Variants in CSMD3 observed in about 807,000 individuals in gnomAD.
CSMD3 encodes the protein CUB and Sushi multiple domains 3.
CSMD3 carries 177 observed loss-of-function variants against 435.2 expected under a neutral mutation model. The observed-to-expected ratio is 0.41, with a 90% CI of 0.36 to 0.46. The LOEUF (loss-of-function observed/expected upper bound fraction) is 0.46, where lower values mean the gene tolerates loss of function less well. Ranked by LOEUF, CSMD3 falls within the 20% of genes least tolerant of loss-of-function variation. CSMD3 has a pLI of 0.34. For missense variants in CSMD3, 4,265 were observed against 4,504.6 expected (o/e 0.95, Z 1.52); for synonymous variants, 1,656 against 1,520.5 (o/e 1.09, Z -2.07).
At chr8:112,918,970 G>C (rs956085037) in intron 10 of CSMD3, among the ~76,000 whole-genome samples, 3 of 151,932 alleles carry the variant, frequency 2.0e-5, no homozygotes, top group Non-Finnish European at 4.4e-5. Context: ...CAGACTCACA[G>C]TAGTCATTTT....
chr8:112,242,156 A>C (rs969100794), intron 65 of CSMD3, among the ~76,000 whole-genome samples: 3 of 152,142 alleles, frequency 2.0e-5, no homozygotes, highest in Non-Finnish European at 4.4e-5. Flanking sequence ...CAGAAAGCAA[A>C]AACTATTTGG....
chr8:113,197,027 A>G lies in CSMD3; in HGVS notation c.515-23111T>C, dbSNP rs148972761. ...CTATGTCTACTTTGTCCATTTTTGTATTTTAGCCCAGAGTACAGGACATAA... is the reference window on the plus strand; with the variant it reads ...CTATGTCTACTTTGTCCATTTTTGTGTTTTAGCCCAGAGTACAGGACATAA... On this transcript the variant is annotated intron_variant, in intron 3 of 70. Coordinates refer to ENST00000297405, the MANE Select transcript of CSMD3 (RefSeq NM_198123.2). 7.7e-3 allele frequency among the ~76,000 whole-genome samples: 1,170 copies of G among 151,312 alleles called. 14 individuals are homozygous for G. Among genetic ancestry groups the G allele is most frequent in the African/African-American group, 0.027 (1,114 of 41,420 alleles).
At chr8:113,007,847 C>T (rs938025865) in intron 6 of CSMD3, among the ~76,000 whole-genome samples, 1 of 151,774 alleles carries the variant, frequency 6.6e-6, no homozygotes, top group African/African-American at 2.4e-5. Context: ...CATTTTCTAA[C>T]TCAAAGAATT....
chr8:113,119,884 A>G (rs1241685914), intron 4 of CSMD3, among the ~76,000 whole-genome samples: 1 of 152,124 alleles, frequency 6.6e-6, no homozygotes, highest in African/African-American at 2.4e-5. Context: ...CAATCATTAT[A>G]ACATTTCTAT....
At chr8:112,867,092 G>C (rs1712931257) in intron 10 of CSMD3, among the ~76,000 whole-genome samples, 1 of 152,092 alleles carries the variant, frequency 6.6e-6, no homozygotes, top group South Asian at 2.1e-4. Context: ...GGTACCTAAA[G>C]ATGGACAACT....
chr8:112,372,709 G>T (rs1828523778), intron 38 of CSMD3, among the ~76,000 whole-genome samples: 1 of 151,676 alleles, frequency 6.6e-6, no homozygotes, highest in Non-Finnish European at 1.5e-5. Context: ...AATTAGCTGG[G>T]CATGGCAGTG....
At chr8:113,290,258 G>C (rs950032727) in intron 2 of CSMD3, among the ~76,000 whole-genome samples, 5 of 151,472 alleles carry the variant, frequency 3.3e-5, no homozygotes, top group African/African-American at 1.2e-4. Context: ...ACTGCAATTG[G>C]AGATTTTGAA....
At chr8:112,341,815 T>C in intron 41 of CSMD3, 129 bp from the exon 42 acceptor site, 2 of 723,198 alleles carry the variant, frequency 2.8e-6, no homozygotes, top group Non-Finnish European at 4.9e-6. Context: ...AATCTCAAGA[T>C]CTGAGTCATG....
intron 13 of CSMD3, among the ~76,000 whole-genome samples, chr8:112,691,918 A>G (rs1018233153): frequency 6.6e-6 from 1 of 151,954 alleles, no homozygotes; most frequent in African/African-American, 2.4e-5. Context: ...CTCCTGCCTC[A>G]GCCTCCTGGG....
At chr8:113,322,294 T>C (rs1306602255) in intron 1 of CSMD3, among the ~76,000 whole-genome samples, 2 of 152,200 alleles carry the variant, frequency 1.3e-5, no homozygotes, top group Non-Finnish European at 2.9e-5. Flanking sequence ...CTTCTCATGT[T>C]GTACTGGTTT....
At chr8:112,717,270 T>C (rs7833450) in intron 13 of CSMD3, among the ~76,000 whole-genome samples, 83,802 of 151,510 alleles carry the variant, frequency 0.55, 24,229 homozygotes, top group African/African-American at 0.73. Flanking sequence ...CATGAACAGA[T>C]GCTTCTCAAA....
chr8:112,974,408 G>T (rs912515954), intron 7 of CSMD3, among the ~76,000 whole-genome samples: 1 of 151,702 alleles, frequency 6.6e-6, no homozygotes, highest in Non-Finnish European at 1.5e-5. Context: ...TATATGATGG[G>T]TAATAAAATA....
At chr8:112,401,379 T>A (rs1333306750) in intron 35 of CSMD3, among the ~76,000 whole-genome samples, 1 of 152,124 alleles carries the variant, frequency 6.6e-6, no homozygotes, top group Non-Finnish European at 1.5e-5. Context: ...AGATCATTTC[T>A]CCCATCTATA....
intron 57 of CSMD3, among the ~76,000 whole-genome samples, chr8:112,288,831 T>C (rs1468080128): frequency 1.3e-5 from 2 of 152,080 alleles, no homozygotes; most frequent in African/African-American, 2.4e-5. Context: ...AAGCAATATG[T>C]CACTTATTAA....
intron 27 of CSMD3, among the ~76,000 whole-genome samples, chr8:112,526,736 A>T (rs773041040): frequency 2.4e-4 from 37 of 151,928 alleles, no homozygotes; most frequent in Non-Finnish European, 4.3e-4. Context: ...TTAAAAGATA[A>T]TTTTTTTGCT....
At chr8:112,971,431 AGTTG>A (rs1246812721) in intron 7 of CSMD3, among the ~76,000 whole-genome samples, 4 of 152,202 alleles carry the variant, frequency 2.6e-5, no homozygotes, top group Middle Eastern at 3.2e-3. Context: ...CAAAACTCAA[AGTTG>A]ATAGTAAGCA....
intron 22 of CSMD3, among the ~76,000 whole-genome samples, chr8:112,608,605 C>T (rs548890291): frequency 6.6e-6 from 1 of 150,654 alleles, no homozygotes; most frequent in African/African-American, 2.4e-5. Flanking sequence ...TATATACATA[C>T]ACACACACAC....
At chr8:112,835,423 C>T (rs1217400177) in intron 11 of CSMD3, among the ~76,000 whole-genome samples, 3 of 151,726 alleles carry the variant, frequency 2.0e-5, no homozygotes, top group African/African-American at 7.3e-5. Flanking sequence ...ATTATAAATG[C>T]ATTATTTTAT....
Position 113,345,546 on chromosome 8 carries a change from G to A in CSMD3, c.179-30753C>T, listed in dbSNP as rs549069276. 2.6e-5 allele frequency among the ~76,000 whole-genome samples: 4 copies of A among 152,202 alleles called. No homozygotes were observed. The South Asian group carries it at 8.3e-4, about 32-fold the overall frequency. ...TTTCCATATGCTTAAGCAATGAGAA[G>A]TTCCCCTTAGAAGTCTCAAATAATT... On this transcript the variant is annotated intron_variant, in intron 1 of 70. Transcript: ENST00000297405.
Sources: gnomAD v4.1 joint callset for allele counts (sites outside exome capture counted in the v4.1 genomes callset) on GRCh38, gnomAD v4.1.1 for gene constraint, MANE v1.5 for transcripts, NCBI Gene and HGNC (gene_info 2026-07-23, HGNC 2026-07-21) for gene names.